The following PCDHGB1 variants were observed in gnomAD, a reference collection of about 807,000 sequenced individuals.
PCDHGB1 encodes the protein protocadherin gamma subfamily B, 1, also known as protocadherin gamma-B1.
A neutral mutation model predicts 56.6 loss-of-function variants in PCDHGB1; 34 were observed. The observed-to-expected ratio is 0.60, with a 90% CI of 0.46 to 0.80. The LOEUF (loss-of-function observed/expected upper bound fraction) is 0.80, where lower values mean the gene tolerates loss of function less well. Among genes scored for constraint, PCDHGB1 ranks in the 30% least tolerant of loss-of-function variants. The pLI is 0.00. For synonymous variants in PCDHGB1, 561 were observed against 505.9 expected (o/e 1.11, Z -1.46); for missense variants, 1,278 against 1,204.6 (o/e 1.06, Z -0.90).
intron 1 of PCDHGB1, among the ~76,000 whole-genome samples, chr5:141,456,381 G>T (rs1296419395): frequency 6.6e-6 from 1 of 152,110 alleles, no homozygotes; most frequent in Admixed American, 6.6e-5. Context: ...TTACAGCACC[G>T]TTTGGAGTTT....
chr5:141,444,377 G>A (rs1035830834), intron 1 of PCDHGB1, among the ~76,000 whole-genome samples: 3 of 151,802 alleles, frequency 2.0e-5, no homozygotes, highest in Non-Finnish European at 4.4e-5. Context: ...CTCCATGTTG[G>A]TCAGGCTAGT....
At chr5:141,426,850 C>T in intron 1 of PCDHGB1, 1 of 456,734 alleles carries the variant, frequency 2.2e-6, no homozygotes. Context: ...GGCAAGAACG[C>T]TCCAGAATTA....
At position 141,431,307 on chromosome 5, in the gene PCDHGB1, A is replaced by G. The variant is rs1332508283; in HGVS notation, c.2410-63500A>G. On this transcript the variant is annotated intron_variant, in intron 1 of 3. Transcript: ENST00000523390. This position sits in a 1 kb window ranked among gnomAD's most constrained non-coding sequence, Gnocchi z 4.8. ...AACACTCACTTCTCCCTCATCGTGC[A>G]AAATGGAGCCGACGGTAGTAAGTAC... 3.7e-6 allele frequency: 6 copies of G among 1,614,002 alleles called. No homozygotes were observed. The African/African-American group carries it at 4.0e-5, about 11-fold the overall frequency.
At chr5:141,460,455 A>G (rs1021070289) in intron 1 of PCDHGB1, among the ~76,000 whole-genome samples, 2 of 152,080 alleles carry the variant, frequency 1.3e-5, no homozygotes, top group African/African-American at 4.8e-5. Context: ...GAAGATTCAT[A>G]TTTTTTTCCA....
At chr5:141,358,963 C>A (rs938791914) in intron 1 of PCDHGB1, among the ~76,000 whole-genome samples, 1 of 152,156 alleles carries the variant, frequency 6.6e-6, no homozygotes, top group Admixed American at 6.5e-5. Context: ...CATTTAGGTT[C>A]TGTGAGAATT....
intron 1 of PCDHGB1, chr5:141,388,956 G>A (rs1010974359): frequency 1.9e-6 from 3 of 1,613,964 alleles, no homozygotes; most frequent in South Asian, 1.1e-5. Flanking sequence ...TATGGAGGAC[G>A]CCGAGCTGGG....
In PCDHGB1 at chr5:141,511,405, T is replaced by C. The variant is rs1274658643; in HGVS notation, c.*232T>C. The C allele has an allele frequency of 2.2e-5, 21 of 944,066 alleles. No homozygotes were observed. In the East Asian group the frequency reaches 5.8e-4, roughly 26 times the overall value. 58.5% of individuals were successfully genotyped at this position (944,066 alleles called of 1,614,324 possible). On this transcript the variant is annotated 3_prime_UTR_variant, in exon 4 of 4. Transcript: ENST00000523390. ...CGCTGGGAACCCCCATCCAATCAACTGCTGTACCCATGGGGGTAGTGGGGT... is the reference window on the plus strand; with the variant it reads ...CGCTGGGAACCCCCATCCAATCAACCGCTGTACCCATGGGGGTAGTGGGGT...
chr5:141,444,152 A>ATTTTTTTTT (rs747671382), intron 1 of PCDHGB1, among the ~76,000 whole-genome samples: 2 of 33,898 alleles, frequency 5.9e-5, no homozygotes, highest in Non-Finnish European at 5.2e-5. Context: ...TGTGTACTGG[A>ATTTTTTTTT]TTTTTTTTTT....
intron 1 of PCDHGB1, chr5:141,374,477 C>T (rs376389009): frequency 7.4e-6 from 12 of 1,611,808 alleles, no homozygotes; most frequent in Non-Finnish European, 9.3e-6. Context: ...CAATACACCC[C>T]GATTCTTAAA....
chr5:141,394,081 T>C, intron 1 of PCDHGB1: 3 of 1,613,892 alleles, frequency 1.9e-6, no homozygotes, highest in Non-Finnish European at 2.5e-6. Context: ...ATCACAGTGA[T>C]GGCCTCAGAT....
chr5:141,509,199 GTC>G (rs1017134758), intron 3 of PCDHGB1, among the ~76,000 whole-genome samples: 1 of 152,070 alleles, frequency 6.6e-6, no homozygotes, highest in Non-Finnish European at 1.5e-5. Context: ...AATATTTCCT[GTC>G]TCTCTATTTC....
chr5:141,410,712 T>C (rs776042818), intron 1 of PCDHGB1: 2 of 1,437,800 alleles, frequency 1.4e-6, no homozygotes, highest in Non-Finnish European at 1.9e-6. Context: ...TCTAGAATCA[T>C]ATGTTTAAAA....
chr5:141,407,958 A>G lies in PCDHGB1; in HGVS notation c.2409+55289A>G, dbSNP rs1018466165. On this transcript the variant is annotated intron_variant, in intron 1 of 3. Transcript: ENST00000523390. ...TGGGCGCCGCTGTCGGCCAGTGCAG[A>G]GCAAGCGCTGACGCCGGGGATCCGT... 5 of 660,632 alleles carry G rather than the reference A, an allele frequency of 7.6e-6. No homozygotes were observed. In the South Asian group the frequency reaches 1.2e-4, roughly 15 times the overall value. 40.9% of individuals were successfully genotyped at this position (660,632 alleles called of 1,614,324 possible).
Position 141,511,983 on chromosome 5 carries a change from G to C in PCDHGB1, c.*810G>C, listed in dbSNP as rs904146751. On this transcript the variant is annotated 3_prime_UTR_variant, in exon 4 of 4. Coordinates refer to ENST00000523390, the MANE Select transcript of PCDHGB1 (RefSeq NM_018922.3). ...AGGGAAGTGTGTGGATGTGGATGGT[G>C]GGGGCATGGACAAAGCTTGACACAT... 6.5e-6 allele frequency: 1 copy of C among 153,280 alleles called. No individual in the cohort carries two copies. The allele number at this position is 153,280 out of a possible 1,614,324, so 9.5% of individuals were successfully genotyped here.
chr5:141,457,233 T>G (rs1038193595), intron 1 of PCDHGB1, among the ~76,000 whole-genome samples: 9 of 152,208 alleles, frequency 5.9e-5, no homozygotes, highest in African/African-American at 2.2e-4. Flanking sequence ...AATTTCCATC[T>G]AAAATTTTAC....
intron 1 of PCDHGB1, chr5:141,357,269 C>G: frequency 1.2e-6 from 2 of 1,613,812 alleles, no homozygotes; most frequent in East Asian, 4.5e-5. Flanking sequence ...TCGGGCCTCA[C>G]ACTCTATCTC....
intron 1 of PCDHGB1, among the ~76,000 whole-genome samples, chr5:141,436,538 A>G (rs1353206648): frequency 6.6e-6 from 1 of 152,194 alleles, no homozygotes; most frequent in Admixed American, 6.5e-5. Context: ...CAAGTTATTT[A>G]ATCTCTTTGA....
chr5:141,416,308 T>C (rs1472911605), intron 1 of PCDHGB1: 1 of 152,266 alleles, frequency 6.6e-6, no homozygotes, highest in East Asian at 1.9e-4. Context: ...ATGTGGAAGA[T>C]ATAGCATTTT....
chr5:141,388,510 A>T, intron 1 of PCDHGB1: 5 of 1,613,846 alleles, frequency 3.1e-6, no homozygotes, highest in Non-Finnish European at 4.2e-6. Context: ...AAATCCTACC[A>T]CTTGACTTTG....
Sources: allele counts gnomAD v4.1 joint callset (sites outside exome capture counted in the v4.1 genomes callset), GRCh38; gene constraint gnomAD v4.1.1; non-coding constraint Gnocchi (gnomAD v3.1); transcripts MANE v1.5; gene names NCBI Gene and HGNC (gene_info 2026-07-23, HGNC 2026-07-21).